Variants in ATP9B observed in about 807,000 individuals in gnomAD.
The protein encoded by ATP9B is ATPase phospholipid transporting 9B, also known as probable phospholipid-transporting ATPase IIB.
ATP9B carries 110 observed loss-of-function variants against 146.1 expected under a neutral mutation model. The ratio of observed to expected loss-of-function variants is 0.75; its 90% confidence interval spans 0.65 to 0.88. The LOEUF (loss-of-function observed/expected upper bound fraction) is 0.88. Ranked by LOEUF, ATP9B falls within the 40% of genes least tolerant of loss-of-function variation. The pLI is 0.00. For synonymous variants in ATP9B, 604 were observed against 569.7 expected (o/e 1.06, Z -0.86); for missense variants, 1,499 against 1,496.4 (o/e 1.00, Z -0.03).
chr18:79,075,106 T>C (rs2072446561), intron 1 of ATP9B, among the ~76,000 whole-genome samples: 1 of 151,740 alleles, frequency 6.6e-6, no homozygotes, highest in Non-Finnish European at 1.5e-5. Context: ...AGACGGAGTC[T>C]CACTCTGTCC....
Position 79,234,227 on chromosome 18 carries a change from C to T in ATP9B, c.1108-19154C>T, listed in dbSNP as rs186977822. On this transcript the variant is annotated intron_variant, in intron 11 of 29. Coordinates refer to ENST00000426216, the MANE Select transcript of ATP9B (RefSeq NM_198531.5). ...GACGAGGCTAGAGGCCTTCAGAATC[C>T]AGAAATAAATGGTAAACATGGGTTT... is the stretch of plus-strand genomic sequence containing the variant. 3.4e-4 allele frequency among the ~76,000 whole-genome samples: 51 copies of T among 152,124 alleles called. 1 individual carries two copies. Among genetic ancestry groups the T allele is most frequent in the Admixed American group, 3.2e-3 (49 of 15,272 alleles).
chr18:79,300,997 T>TTTAGACTCAATTTAGATTGAGA (rs2096586847), intron 13 of ATP9B, among the ~76,000 whole-genome samples: 1 of 152,212 alleles, frequency 6.6e-6, no homozygotes, highest in Non-Finnish European at 1.5e-5. Flanking sequence ...AAGGAAATAC[T>TTTAGACTCAATTTAGATTGAGA]TTGTTATCTC....
At chr18:79,170,188 C>G (rs9958554) in intron 7 of ATP9B, among the ~76,000 whole-genome samples, 20,501 of 152,138 alleles carry the variant, frequency 0.13, 1,451 homozygotes, top group East Asian at 0.2. Context: ...CCGGCTCTGT[C>G]CGATGAGCAC....
intron 12 of ATP9B, among the ~76,000 whole-genome samples, chr18:79,272,484 C>T (rs1490566520): frequency 6.6e-6 from 1 of 151,848 alleles, no homozygotes; most frequent in African/African-American, 2.4e-5. Context: ...GGATACGCTT[C>T]TCTCCCTGAG....
At chr18:79,131,254 A>G (rs2094373257) in intron 5 of ATP9B, among the ~76,000 whole-genome samples, 1 of 152,242 alleles carries the variant, frequency 6.6e-6, no homozygotes, top group Non-Finnish European at 1.5e-5. Context: ...AAAAGAAAGA[A>G]TGAGAGAAAA....
chr18:79,213,979 G>C lies in ATP9B; in HGVS notation c.1048G>C (p.Val350Leu). 3.1e-6 allele frequency: 5 copies of C among 1,606,492 alleles called. No individual in the cohort carries two copies. Among genetic ancestry groups the C allele is most frequent in the Non-Finnish European group, 4.2e-6 (5 of 1,177,520 alleles). The change falls in exon 11 of 30, where the codon GTC (valine) becomes CTC (leucine). Residue 350 changes from valine (V) to leucine (L), a missense_variant. Transcript: ENST00000426216. ...TTTTGCAGGTACTGTAATAGGTGTT[G>C]TCATTTATACCGGAAAAGAGACTCG... ...IVASGTVIGV[V>L]IYTGKETRSV...
chr18:79,225,650 C>T (rs988457036), intron 11 of ATP9B, among the ~76,000 whole-genome samples: 6 of 133,886 alleles, frequency 4.5e-5, no homozygotes, highest in African/African-American at 1.1e-4. Flanking sequence ...GTCCCGCAGT[C>T]GCAGGGCGGC....
intron 13 of ATP9B, among the ~76,000 whole-genome samples, chr18:79,290,944 G>T (rs148702877): frequency 2.0e-5 from 3 of 152,130 alleles, no homozygotes; most frequent in African/African-American, 7.2e-5. Context: ...TTGTATGATG[G>T]TGTGGTAGAG....
At chr18:79,372,405 T>C (rs2097077013) in intron 26 of ATP9B, 1 of 345,116 alleles carries the variant, frequency 2.9e-6, no homozygotes, top group Admixed American at 3.7e-5. Flanking sequence ...ACTGAAGAAC[T>C]GTTACGTTCT....
intron 5 of ATP9B, among the ~76,000 whole-genome samples, chr18:79,128,760 G>A (rs1016521785): frequency 5.9e-5 from 9 of 152,102 alleles, no homozygotes; most frequent in African/African-American, 1.9e-4. Context: ...CAGAGTTGGC[G>A]GCTCCATATG....
At chr18:79,191,036 A>G (rs1249826284) in intron 8 of ATP9B, among the ~76,000 whole-genome samples, 1 of 151,980 alleles carries the variant, frequency 6.6e-6, no homozygotes, top group East Asian at 1.9e-4. Flanking sequence ...TTCTCATTTT[A>G]TTTATTTGAC....
intron 7 of ATP9B, 97 bp downstream of exon 7, chr18:79,154,652 T>G (rs2094746357): frequency 1.3e-6 from 1 of 744,952 alleles, no homozygotes; most frequent in African/African-American, 1.8e-5. Context: ...CCTTACATTT[T>G]TAGTATGCTG....
intron 12 of ATP9B, among the ~76,000 whole-genome samples, chr18:79,267,015 G>C (rs1260426512): frequency 6.6e-6 from 1 of 151,556 alleles, no homozygotes; most frequent in Admixed American, 6.6e-5. Flanking sequence ...TCTAAAATTG[G>C]AATTGTTTAT....
chr18:79,315,415 C>G (rs150855612), intron 15 of ATP9B, among the ~76,000 whole-genome samples: 1 of 152,210 alleles, frequency 6.6e-6, no homozygotes, highest in East Asian at 1.9e-4. Context: ...TGATTAGCAG[C>G]TTTTTCAGAT....
chr18:79,372,961 CAGATTAA>C (rs1460626544), intron 27 of ATP9B, 79 bp downstream of exon 27: 10 of 1,014,586 alleles, frequency 9.9e-6, no homozygotes, highest in Non-Finnish European at 1.4e-5. Flanking sequence ...TTTTTACTTG[CAGATTAA>C]ATTCCAACAG....
intron 2 of ATP9B, among the ~76,000 whole-genome samples, chr18:79,104,975 A>G (rs966008473): frequency 3.3e-5 from 5 of 152,100 alleles, no homozygotes; most frequent in African/African-American, 1.2e-4. Flanking sequence ...TTATTTTAAT[A>G]AATTGTGATC....
intron 29 of ATP9B, chr18:79,375,929 G>A: frequency 2.0e-6 from 2 of 985,382 alleles, no homozygotes; most frequent in Non-Finnish European, 2.4e-6. Flanking sequence ...TAAATCTCCA[G>A]TTTCTCATCT....
chr18:79,290,651 A>G (rs1000584759), intron 13 of ATP9B, among the ~76,000 whole-genome samples: 8 of 152,278 alleles, frequency 5.3e-5, no homozygotes, highest in Non-Finnish European at 1.0e-4. Context: ...GGCACTCCCT[A>G]GTGAGATGAA....
At chr18:79,220,682 A>G (rs2095668881) in intron 11 of ATP9B, among the ~76,000 whole-genome samples, 2 of 152,164 alleles carry the variant, frequency 1.3e-5, no homozygotes, top group South Asian at 4.1e-4. Flanking sequence ...ATCATTTCAC[A>G]TTTTCTAGGT....
Sources: allele counts gnomAD v4.1 joint callset (sites outside exome capture counted in the v4.1 genomes callset), GRCh38; gene constraint gnomAD v4.1.1; transcripts MANE v1.5; gene names NCBI Gene and HGNC (gene_info 2026-07-23, HGNC 2026-07-21).